Variants in IL1RAPL1 observed in about 807,000 individuals in gnomAD.
IL1RAPL1 encodes interleukin-1 receptor accessory protein-like 1.
Under a neutral mutation model 48.4 loss-of-function variants are expected in IL1RAPL1, and 3 were observed. That is an observed-to-expected ratio of 0.06 (90% CI 0.03 to 0.16). IL1RAPL1 has a LOEUF of 0.16. Among genes scored for constraint, IL1RAPL1 ranks in the 10% least tolerant of loss-of-function variants. The pLI is 1.00. For synonymous variants in IL1RAPL1, 185 were observed against 187.7 expected, an observed-to-expected ratio of 0.99 and a Z score of 0.12; for missense variants, 349 against 530.6, an observed-to-expected ratio of 0.66 and a Z score of 3.36.
intron 2 of IL1RAPL1, among the ~76,000 whole-genome samples, chrX:29,141,648 A>T (rs184880033): frequency 8.9e-6 from 1 of 111,746 alleles, no homozygotes; most frequent in East Asian, 2.8e-4. Context: ...AAATTGGGGC[A>T]TTTTATCTTC....
At chrX:29,854,671 T>A (rs2147200516) in intron 6 of IL1RAPL1, among the ~76,000 whole-genome samples, 1 of 111,478 alleles carries the variant, frequency 9.0e-6, no homozygotes, top group Non-Finnish European at 1.9e-5. Context: ...TCTTATTCAA[T>A]GGAAATATTA....
intron 6 of IL1RAPL1, among the ~76,000 whole-genome samples, chrX:29,688,061 G>A (rs1235948922): frequency 3.6e-5 from 4 of 112,003 alleles, no homozygotes; most frequent in Non-Finnish European, 3.8e-5. Context: ...GGTGGAGAAA[G>A]AAGGCACTTC....
At chrX:28,880,679 G>A (rs1047626035) in intron 2 of IL1RAPL1, among the ~76,000 whole-genome samples, 1 of 111,382 alleles carries the variant, frequency 9.0e-6, no homozygotes, top group African/African-American at 3.3e-5. Flanking sequence ...ACTAATATAG[G>A]GGAAAATATG....
At chrX:28,807,083 G>C (rs1569177198) in intron 2 of IL1RAPL1, among the ~76,000 whole-genome samples, 1 of 111,084 alleles carries the variant, frequency 9.0e-6, no homozygotes, top group African/African-American at 3.3e-5. Flanking sequence ...GCTTTCTTGG[G>C]TTGTTTTTCC....
At position 29,956,103 on chromosome X, in the gene IL1RAPL1, AG is replaced by A. The variant is rs1933416879; in HGVS notation, c.*284del. On this transcript the variant is annotated 3_prime_UTR_variant, in exon 11 of 11. Coordinates refer to ENST00000378993, the MANE Select transcript of IL1RAPL1 (RefSeq NM_014271.4). ...TTAAAGAAGAGACTGATGTGTAGATAGAAAACCCTTTTTTTGCTTCATTAGT... is the reference window on the plus strand; with the variant it reads ...TTAAAGAAGAGACTGATGTGTAGATAAAAACCCTTTTTTTGCTTCATTAGT... 1 of 329,250 alleles carries A rather than the reference AG, an allele frequency of 3.0e-6. No homozygotes were observed. Among genetic ancestry groups the A allele is most frequent in the South Asian group, 6.4e-5 (1 of 15,542 alleles). 27.1% of individuals were successfully genotyped at this position (329,250 alleles called of 1,213,427 possible). A position where few individuals can be genotyped will look rare whatever the true frequency, so the allele number is the denominator to read the frequency against.
chrX:28,727,057 C>A (rs1300489680), intron 1 of IL1RAPL1, among the ~76,000 whole-genome samples: 2 of 111,727 alleles, frequency 1.8e-5, no homozygotes, highest in African/African-American at 3.3e-5. Context: ...AAATAATTTT[C>A]CAATTCTGTG....
At chrX:29,458,689 C>A (rs192253611) in intron 5 of IL1RAPL1, among the ~76,000 whole-genome samples, 20 of 108,504 alleles carry the variant, frequency 1.8e-4, no homozygotes, top group Non-Finnish European at 3.2e-4. Context: ...TTTCTCTGAT[C>A]GGTATGGTCT....
Position 29,955,892 on chromosome X carries a change from C to A in IL1RAPL1, c.*72C>A. On this transcript the variant is annotated 3_prime_UTR_variant, in exon 11 of 11. Coordinates refer to ENST00000378993, the MANE Select transcript of IL1RAPL1 (RefSeq NM_014271.4). The stretch of plus-strand genomic sequence containing the variant: ...GCAGTCCAGTGCCTGGAACTAAATC[C>A]TCGACTGCTGCTGTTAAAAAACATG... 1.3e-6 allele frequency: 1 copy of A among 784,779 alleles called. No individual in the cohort carries two copies. The highest frequency in any genetic ancestry group is 2.0e-6 in the Non-Finnish European group (1 of 510,230). 64.7% of individuals were successfully genotyped at this position (784,779 alleles called of 1,213,427 possible).
chrX:29,074,539 A>G (rs191209154), intron 2 of IL1RAPL1, among the ~76,000 whole-genome samples: 48 of 112,536 alleles, frequency 4.3e-4, no homozygotes, highest in African/African-American at 1.5e-3. Context: ...CACGTACTGC[A>G]AAACACAGGT....
chrX:29,108,093 G>A (rs1928484813), intron 2 of IL1RAPL1, among the ~76,000 whole-genome samples: 1 of 111,781 alleles, frequency 8.9e-6, no homozygotes, highest in Non-Finnish European at 1.9e-5. Flanking sequence ...ATTCTGTTTT[G>A]GTTCTCACTC....
intron 5 of IL1RAPL1, among the ~76,000 whole-genome samples, chrX:29,546,112 A>G (rs181945997): frequency 9.3e-4 from 104 of 111,838 alleles, no homozygotes; most frequent in African/African-American, 3.3e-3. Flanking sequence ...GCCACCACCA[A>G]CAAAGTCAAT....
chrX:29,329,945 A>G (rs1932871136), intron 3 of IL1RAPL1, among the ~76,000 whole-genome samples: 1 of 111,724 alleles, frequency 9.0e-6, no homozygotes, highest in African/African-American at 3.3e-5. Flanking sequence ...AATGTTCAGA[A>G]CAAGCAACTC....
At chrX:28,721,722 T>C (rs1251458987) in intron 1 of IL1RAPL1, among the ~76,000 whole-genome samples, 2 of 111,230 alleles carry the variant, frequency 1.8e-5, no homozygotes, top group Non-Finnish European at 3.8e-5. Flanking sequence ...GTTTTTATGG[T>C]TTTAGGTCTG....
In IL1RAPL1 at chrX:29,853,611, A is replaced by C. The variant is rs778569227; in HGVS notation, c.779-63853A>C. On this transcript the variant is annotated intron_variant, in intron 6 of 10. Transcript: ENST00000378993. The stretch of plus-strand genomic sequence containing the variant: ...TTGAAAAAGAAAAGAATGGCAATTA[A>C]AAGTTAATTATTAAGGCAATAAGCA... 2.7e-5 allele frequency among the ~76,000 whole-genome samples: 3 copies of C among 112,108 alleles called. No homozygotes were observed. In the South Asian group the frequency reaches 1.1e-3, roughly 42 times the overall value.
chrX:29,857,464 AAAAT>A (rs1931497297), intron 6 of IL1RAPL1, among the ~76,000 whole-genome samples: 1 of 111,861 alleles, frequency 8.9e-6, no homozygotes, highest in Non-Finnish European at 1.9e-5. Flanking sequence ...AGTCACTGCT[AAAAT>A]AAAGTGCTAT....
intron 1 of IL1RAPL1, among the ~76,000 whole-genome samples, chrX:28,713,537 A>C (rs760266968): frequency 9.0e-6 from 1 of 111,203 alleles, no homozygotes; most frequent in South Asian, 3.8e-4. Context: ...ATAGCCCCAA[A>C]AAGTCTTATA....
At chrX:28,898,279 T>G (rs1922984554) in intron 2 of IL1RAPL1, among the ~76,000 whole-genome samples, 1 of 112,059 alleles carries the variant, frequency 8.9e-6, no homozygotes, top group South Asian at 3.7e-4. Flanking sequence ...TTTGATAACC[T>G]CTAATATATC....
At chrX:28,813,396 T>C (rs1936817443) in intron 2 of IL1RAPL1, among the ~76,000 whole-genome samples, 1 of 111,657 alleles carries the variant, frequency 9.0e-6, no homozygotes, top group South Asian at 3.7e-4. Flanking sequence ...TCTGAGATAA[T>C]ACATTGAATG....
intron 8 of IL1RAPL1, among the ~76,000 whole-genome samples, chrX:29,935,816 G>A (rs1260137064): frequency 3.6e-5 from 4 of 111,685 alleles, no homozygotes; most frequent in Non-Finnish European, 7.5e-5. Flanking sequence ...TTGGCAGTAA[G>A]TAGAAGTTAA....
Sources: gnomAD v4.1 joint callset for allele counts (sites outside exome capture counted in the v4.1 genomes callset) on GRCh38, gnomAD v4.1.1 for gene constraint, MANE v1.5 for transcripts, NCBI Gene and HGNC (gene_info 2026-07-23, HGNC 2026-07-21) for gene names.